ELMO1: variants seen among roughly 807,000 people sequenced by gnomAD.
ELMO1 encodes engulfment and cell motility 1.
Under a neutral mutation model 98.9 loss-of-function variants are expected in ELMO1, and 26 were observed. The observed-to-expected ratio is 0.26, with a 90% CI of 0.19 to 0.36. The LOEUF is 0.36. Among genes scored for constraint, ELMO1 ranks in the 10% least tolerant of loss-of-function variants. The pLI, the probability that ELMO1 is intolerant of heterozygous loss-of-function variation, is 1.00. For synonymous variants in ELMO1, 346 were observed against 346.0 expected (o/e 1.00, Z 0.00); for missense variants, 627 against 935.2 (o/e 0.67, Z 4.30).
At chr7:37,133,815 A>T (rs556857748) in intron 13 of ELMO1, among the ~76,000 whole-genome samples, 1 of 152,304 alleles carries the variant, frequency 6.6e-6, no homozygotes, top group South Asian at 2.1e-4. Context: ...TGCTCTCAGG[A>T]AGTCTGAGAA....
chr7:37,186,050 T>G (rs1791184029), intron 13 of ELMO1, among the ~76,000 whole-genome samples: 2 of 152,202 alleles, frequency 1.3e-5, no homozygotes, highest in South Asian at 4.1e-4. Context: ...ACACACACTT[T>G]CTGATTTCAA....
intron 13 of ELMO1, among the ~76,000 whole-genome samples, chr7:37,142,077 C>CT (rs1787678853): frequency 6.6e-6 from 1 of 152,148 alleles, no homozygotes; most frequent in African/African-American, 2.4e-5. Context: ...TACTAGAGAA[C>CT]TGCTACTAAT....
intron 4 of ELMO1, among the ~76,000 whole-genome samples, chr7:37,307,879 A>C (rs1355326354): frequency 6.6e-6 from 1 of 152,196 alleles, no homozygotes; most frequent in East Asian, 1.9e-4. Flanking sequence ...TGGGAGGCCG[A>C]GGCGGGCAGA....
intron 15 of ELMO1, among the ~76,000 whole-genome samples, chr7:37,073,455 T>C (rs926449306): frequency 2.0e-5 from 3 of 152,206 alleles, no homozygotes; most frequent in African/African-American, 7.2e-5. Flanking sequence ...CACTGTTATC[T>C]CATGGTGGCA....
chr7:37,000,936 T>TACAC (rs978102382), intron 16 of ELMO1, among the ~76,000 whole-genome samples: 2 of 126,252 alleles, frequency 1.6e-5, no homozygotes, highest in African/African-American at 7.9e-5. Flanking sequence ...TGTATATGTG[T>TACAC]ATACACACAC....
intron 20 of ELMO1, chr7:36,862,051 G>T: frequency 3.2e-6 from 1 of 316,190 alleles, no homozygotes; most frequent in Non-Finnish European, 6.0e-6. Flanking sequence ...CTGCCTCCTC[G>T]CCCGCCACCA....
At chr7:37,292,719 C>T (rs1167281891) in intron 4 of ELMO1, among the ~76,000 whole-genome samples, 7 of 98,512 alleles carry the variant, frequency 7.1e-5, no homozygotes, top group East Asian at 2.8e-4. Flanking sequence ...CGGCAGCCGC[C>T]CCGTCCGGGA....
chr7:37,151,472 C>G (rs1014376278), intron 13 of ELMO1, among the ~76,000 whole-genome samples: 1 of 152,132 alleles, frequency 6.6e-6, no homozygotes, highest in African/African-American at 2.4e-5. Flanking sequence ...CCTAATGGGG[C>G]CTTCTAGCTC....
chr7:37,174,866 C>T lies in ELMO1; in HGVS notation c.1086+36520G>A, dbSNP rs577229966. Among the ~76,000 whole-genome samples the T allele has an allele frequency of 2.6e-5, 4 of 152,246 alleles. 1 individual carries two copies. The South Asian group carries it at 8.3e-4, about 32-fold the overall frequency. On this transcript the variant is annotated intron_variant, in intron 13 of 21. Coordinates refer to ENST00000310758, the MANE Select transcript of ELMO1 (RefSeq NM_014800.11). ...CACTTGTAAGCACTAGCTTTCATAG[C>T]CTCTCTTCTATCAATAAGCCACACC...
intron 15 of ELMO1, among the ~76,000 whole-genome samples, chr7:37,076,224 C>T (rs1054342365): frequency 1.1e-4 from 16 of 152,192 alleles, no homozygotes; most frequent in Middle Eastern, 3.2e-3. Flanking sequence ...CATTTGACTG[C>T]CTCCTTCCAG....
At chr7:37,005,107 CAAAAAAAAAAAAAAAA>C (rs35665315) in intron 16 of ELMO1, among the ~76,000 whole-genome samples, 1 of 38,292 alleles carries the variant, frequency 2.6e-5, no homozygotes, top group African/African-American at 7.1e-5. Context: ...GGCTCTGTCT[CAAAAAAAAAAAAAAAA>C]AAAAAAAAAG....
At chr7:37,401,879 T>C (rs113169669) in intron 1 of ELMO1, among the ~76,000 whole-genome samples, 2,909 of 152,224 alleles carry the variant, frequency 0.019, 107 homozygotes, top group African/African-American at 0.064. Flanking sequence ...GTTGAAGACA[T>C]AGAAGTGAGA....
chr7:37,027,193 T>C (rs1236318594), intron 15 of ELMO1, among the ~76,000 whole-genome samples: 1 of 152,152 alleles, frequency 6.6e-6, no homozygotes, highest in Non-Finnish European at 1.5e-5. Context: ...GGTGTTCTCT[T>C]AAAAGAGAAC....
intron 13 of ELMO1, among the ~76,000 whole-genome samples, chr7:37,196,121 A>G (rs1043488140): frequency 2.6e-5 from 4 of 152,204 alleles, no homozygotes; most frequent in Admixed American, 2.0e-4. Context: ...CAACATCAAG[A>G]AGGCAGGCAG....
chr7:37,056,863 C>T (rs1318386029), intron 15 of ELMO1, among the ~76,000 whole-genome samples: 1 of 152,170 alleles, frequency 6.6e-6, no homozygotes, highest in Non-Finnish European at 1.5e-5. Context: ...TCAGCTGGGG[C>T]ATCTTGGGCC....
chr7:37,051,238 G>A (rs966641727), intron 15 of ELMO1, among the ~76,000 whole-genome samples: 132 of 152,330 alleles, frequency 8.7e-4, no homozygotes, highest in African/African-American at 3.1e-3. Flanking sequence ...CATGTTGGGT[G>A]AGATGATAAT....
chr7:37,444,367 G>A (rs964987954), intron 1 of ELMO1, among the ~76,000 whole-genome samples: 2 of 152,288 alleles, frequency 1.3e-5, no homozygotes, highest in Middle Eastern at 3.4e-3. Flanking sequence ...ATAGTCTGTC[G>A]ATTTTATTCT....
intron 4 of ELMO1, among the ~76,000 whole-genome samples, chr7:37,280,906 G>A (rs1584912581): frequency 1.3e-5 from 2 of 151,618 alleles, no homozygotes; most frequent in Admixed American, 6.6e-5. Context: ...GCACATGCAC[G>A]TTTATAGCAG....
At chr7:37,098,920 C>T (rs917862302) in intron 14 of ELMO1, among the ~76,000 whole-genome samples, 5 of 152,160 alleles carry the variant, frequency 3.3e-5, no homozygotes, top group African/African-American at 1.2e-4. Context: ...CAGCTTCCAG[C>T]GAGCACATTC....
Sources: gnomAD v4.1 joint callset for allele counts (sites outside exome capture counted in the v4.1 genomes callset) on GRCh38, gnomAD v4.1.1 for gene constraint, MANE v1.5 for transcripts, NCBI Gene and HGNC (gene_info 2026-07-23, HGNC 2026-07-21) for gene names.